MARS1: variants seen among roughly 807,000 people sequenced by gnomAD.
MARS1 encodes the protein methionine--tRNA ligase, cytoplasmic.
A neutral mutation model predicts 119.5 loss-of-function variants in MARS1; 80 were observed. The observed-to-expected ratio is 0.67, with a 90% CI of 0.56 to 0.81. The LOEUF is 0.81. Among genes scored for constraint, MARS1 ranks in the 30% least tolerant of loss-of-function variants. The pLI, the probability that MARS1 is intolerant of heterozygous loss-of-function variation, is 0.00. For missense variants in MARS1, 945 were observed against 1,116.5 expected, an observed-to-expected ratio of 0.85 and a Z score of 2.19; for synonymous variants, 418 against 433.4, an observed-to-expected ratio of 0.96 and a Z score of 0.44.
chr12:57,504,406 A>C (rs762783839), intron 11 of MARS1, 107 bp downstream of exon 11: 7 of 887,006 alleles, frequency 7.9e-6, no homozygotes, highest in Non-Finnish European at 1.3e-5. Flanking sequence ...TTAAATTTCC[A>C]TTAAGAATTG....
chr12:57,511,933 A>T (rs1170916463), intron 12 of MARS1, 65 bp downstream of exon 12: 26 of 1,601,968 alleles, frequency 1.6e-5, no homozygotes, highest in Non-Finnish European at 2.1e-5. Flanking sequence ...AGCAGAGTAG[A>T]CTGCTGATTA....
At chr12:57,506,786 C>T (rs1391823160) in intron 11 of MARS1, among the ~76,000 whole-genome samples, 2 of 152,028 alleles carry the variant, frequency 1.3e-5, no homozygotes, top group African/African-American at 4.8e-5. Context: ...AAGTGATTCT[C>T]CTGTCTCAGC....
chr12:57,490,373 GC>G lies in MARS1; in HGVS notation c.659del (p.Pro220LeufsTer25), dbSNP rs777370844. Reference sequence around the variant, plus strand: ...CTGAGGGAAGGGCTGTCACCAATGAGCCTGAGGTTTGGAATAGGGCAGAGCC... The same window carrying G: ...CTGAGGGAAGGGCTGTCACCAATGAGCTGAGGTTTGGAATAGGGCAGAGCC... ...PAEGRAVTNE[P>X]EEEELATLSE... On this transcript the variant is annotated frameshift_variant, in exon 6 of 21. Coordinates refer to ENST00000262027, the MANE Select transcript of MARS1 (RefSeq NM_004990.4). LOFTEE classifies it high-confidence loss of function. The G allele has an allele frequency of 1.2e-6, 2 of 1,612,476 alleles. No homozygotes were observed. The highest frequency in any genetic ancestry group is 1.7e-6 in the Non-Finnish European group (2 of 1,179,994).
At chr12:57,498,039 A>G in intron 7 of MARS1, 118 bp from the exon 8 acceptor site, 1 of 714,616 alleles carries the variant, frequency 1.4e-6, no homozygotes, top group Admixed American at 2.1e-5. Context: ...GAAAGACTTC[A>G]AGTGTACATG....
Position 57,498,213 on chromosome 12 carries a change from A to G in MARS1, c.827A>G (p.Asn276Ser). The G allele has an allele frequency of 6.2e-7, 1 of 1,614,160 alleles. No homozygotes were observed. The highest frequency in any genetic ancestry group is 1.1e-5 in the South Asian group (1 of 91,078). The change falls in exon 8 of 21, where the codon AAC (asparagine) becomes AGC (serine). Residue 276 changes from asparagine to serine, a missense_variant. By Grantham distance (46) the Asn-to-Ser change is conservative. Coordinates refer to ENST00000262027, the MANE Select transcript of MARS1 (RefSeq NM_004990.4). ...ATCACCAGTGCCCTCCCTTACGTCA[A>G]CAATGTCCCCCACCTTGGGAACATC... ...VLITSALPYV[N>S]NVPHLGNIIG...
In MARS1 at chr12:57,516,590, G is replaced by C; in HGVS notation, c.*9G>C. ...GCAAGAAGAAAAAGTAAAAGACCTTGGCTCATAGAAAGTCACTTTAATAGA... is the reference window on the plus strand; with the variant it reads ...GCAAGAAGAAAAAGTAAAAGACCTTCGCTCATAGAAAGTCACTTTAATAGA... On this transcript the variant is annotated 3_prime_UTR_variant, in exon 21 of 21. Coordinates refer to ENST00000262027, the MANE Select transcript of MARS1 (RefSeq NM_004990.4). The C allele has an allele frequency of 6.4e-7, 1 of 1,563,628 alleles. No homozygotes were observed. The highest frequency in any genetic ancestry group is 8.6e-7 in the Non-Finnish European group (1 of 1,161,972).
chr12:57,504,109 C>A, intron 10 of MARS1, 116 bp from the exon 11 acceptor site: 1 of 716,880 alleles, frequency 1.4e-6, no homozygotes, highest in South Asian at 1.5e-5. Flanking sequence ...GGAGTGTGAG[C>A]CTGAAGCTAA....
intron 15 of MARS1, 21 bp from the exon 16 acceptor site, chr12:57,514,699 G>A (rs577464640): frequency 6.2e-7 from 1 of 1,613,700 alleles, no homozygotes; most frequent in South Asian, 1.1e-5. Flanking sequence ...TTCCACTTCT[G>A]CTTTCCTACT....
chr12:57,493,304 A>G (rs1876090452), intron 7 of MARS1, among the ~76,000 whole-genome samples: 1 of 108,424 alleles, frequency 9.2e-6, no homozygotes, highest in Non-Finnish European at 1.7e-5. Context: ...ATATATATAT[A>G]ATATATATTA....
At chr12:57,497,683 C>T (rs1047815447) in intron 7 of MARS1, among the ~76,000 whole-genome samples, 1 of 152,048 alleles carries the variant, frequency 6.6e-6, no homozygotes, top group African/African-American at 2.4e-5. Flanking sequence ...TACAAAAGGA[C>T]TTGTTACGGG....
In MARS1 at chr12:57,512,805, T is replaced by G. The variant is rs1409098764; in HGVS notation, c.1808T>G (p.Phe603Cys). 5 of 1,614,086 alleles carry G rather than the reference T, an allele frequency of 3.1e-6. No individual in the cohort carries two copies. In the Admixed American group the frequency reaches 8.3e-5, roughly 27 times the overall value. ...KFSKSRGVGV[F>C]GDMAQDTGIP... is the part of the protein sequence containing the mutation. ...TCTAAGAGCCGCGGTGTGGGAGTGT[T>G]TGGGGACATGGCCCAGGACACGGGG... Residue 603 changes from phenylalanine to cysteine, a missense_variant, in exon 15 of 21, where the codon TTT becomes TGT. Phe to Cys is a radical substitution (Grantham distance 205). Coordinates refer to ENST00000262027, the MANE Select transcript of MARS1 (RefSeq NM_004990.4).
At chr12:57,494,328 C>CTTTT (rs71448526) in intron 7 of MARS1, among the ~76,000 whole-genome samples, 2 of 121,228 alleles carry the variant, frequency 1.6e-5, no homozygotes, top group African/African-American at 3.3e-5. Flanking sequence ...TCTTTTTTTT[C>CTTTT]TTTTTTTTTT....
Position 57,515,253 on chromosome 12 carries a change from C to T in MARS1, c.2308C>T (p.Gln770Ter). 1 of 1,614,104 alleles carries T rather than the reference C, an allele frequency of 6.2e-7. No individual in the cohort carries two copies. Among genetic ancestry groups the T allele is most frequent in the Non-Finnish European group, 8.5e-7 (1 of 1,180,028 alleles). The change falls in exon 18 of 21, where the codon CAG becomes TAG. Residue 770 changes from glutamine (Q) to a stop codon, truncating the protein, a stop_gained. Transcript: ENST00000262027. LOFTEE classifies it high-confidence loss of function. ...MPTVSATIQAQLQLPPPACSI... is the reference protein window; with the variant it reads ...MPTVSATIQA ...CACGGTTAGTGCCACAATCCAGGCCCAGCTGCAGCTCCCACCTCCAGCCTG... is the reference window on the plus strand; with the variant it reads ...CACGGTTAGTGCCACAATCCAGGCCTAGCTGCAGCTCCCACCTCCAGCCTG...
intron 7 of MARS1, among the ~76,000 whole-genome samples, chr12:57,494,247 C>T (rs554371444): frequency 8.6e-5 from 13 of 151,242 alleles, no homozygotes; most frequent in South Asian, 4.2e-4. Flanking sequence ...TAAGCCACTA[C>T]GCCCAGCCTT....
At chr12:57,495,950 G>A (rs1325325626) in intron 7 of MARS1, among the ~76,000 whole-genome samples, 1 of 152,258 alleles carries the variant, frequency 6.6e-6, no homozygotes, top group African/African-American at 2.4e-5. Flanking sequence ...GATGGCGGCA[G>A]TACAGTCCGG....
At chr12:57,500,137 A>G in intron 9 of MARS1, 184 bp from the exon 10 acceptor site, 1 of 635,192 alleles carries the variant, frequency 1.6e-6, no homozygotes, top group Non-Finnish European at 2.8e-6. Flanking sequence ...GTTGGGGAAT[A>G]TGTGTGATGG....
At chr12:57,493,757 T>TA (rs1876330136) in intron 7 of MARS1, among the ~76,000 whole-genome samples, 14 of 3,630 alleles carry the variant, frequency 3.9e-3, no homozygotes, top group Non-Finnish European at 5.0e-3. Context: ...ATACATTATA[T>TA]TATATATATT....
chr12:57,492,376 GA>G (rs1429420544), intron 7 of MARS1, among the ~76,000 whole-genome samples: 1 of 148,010 alleles, frequency 6.8e-6, no homozygotes, highest in Non-Finnish European at 1.5e-5. Context: ...AACATTGAGT[GA>G]AGACTTAAAA....
At position 57,488,109 on chromosome 12, in the gene MARS1, G is replaced by T; in HGVS notation, c.19G>T (p.Asp7Tyr). 1 of 1,614,206 alleles carries T rather than the reference G, an allele frequency of 6.2e-7. No homozygotes were observed. Among genetic ancestry groups the T allele is most frequent in the East Asian group, 2.2e-5 (1 of 44,886 alleles). Residue 7 changes from aspartate (D) to tyrosine (Y), a missense_variant, in exon 1 of 21, where the codon GAT becomes TAT. Transcript: ENST00000262027. MRLFVSDGVPGCLPVLA... is the reference protein window; with the variant it reads MRLFVSYGVPGCLPVLA... ...CGGCGAAATGAGACTGTTCGTGAGT[G>T]ATGGCGTCCCGGGTTGCTTGCCGGT...
Sources: allele counts gnomAD v4.1 joint callset (sites outside exome capture counted in the v4.1 genomes callset), GRCh38; gene constraint gnomAD v4.1.1; transcripts MANE v1.5; gene names NCBI Gene and HGNC (gene_info 2026-07-23, HGNC 2026-07-21).